ZNF606: variants seen among roughly 807,000 people sequenced by gnomAD.
ZNF606 encodes the protein zinc finger protein 328.
A neutral mutation model predicts 74.9 loss-of-function variants in ZNF606; 37 were observed. The ratio of observed to expected loss-of-function variants is 0.49; its 90% confidence interval spans 0.38 to 0.65. The LOEUF is 0.65. Among genes scored for constraint, ZNF606 ranks in the 30% least tolerant of loss-of-function variants. The probability of loss-of-function intolerance (pLI) is 0.00; values close to 1 mark genes in which losing one functional copy is unlikely to be tolerated. For synonymous variants in ZNF606, 328 were observed against 312.4 expected, an observed-to-expected ratio of 1.05 and a Z score of -0.53; for missense variants, 852 against 952.9, an observed-to-expected ratio of 0.89 and a Z score of 1.39.
chr19:57,994,923 C>A (rs903988005), intron 4 of ZNF606, among the ~76,000 whole-genome samples: 7 of 152,060 alleles, frequency 4.6e-5, no homozygotes, highest in Non-Finnish European at 7.3e-5. Context: ...GTGGCTCATG[C>A]CTGTAATCTC....
At chr19:57,993,890 C>T (rs963379500) in intron 4 of ZNF606, among the ~76,000 whole-genome samples, 5 of 152,170 alleles carry the variant, frequency 3.3e-5, no homozygotes, top group African/African-American at 4.8e-5. Flanking sequence ...AGGCACCAAT[C>T]ATGAATCAGA....
At chr19:57,988,111 G>C (rs976647926) in intron 6 of ZNF606, 96 bp downstream of exon 6, 15 of 876,298 alleles carry the variant, frequency 1.7e-5, no homozygotes, top group Non-Finnish European at 2.6e-5. Context: ...AATTCTAAAT[G>C]CATCTGAGGA....
intron 4 of ZNF606, among the ~76,000 whole-genome samples, chr19:57,989,557 C>T (rs2073219050): frequency 6.6e-6 from 1 of 151,998 alleles, no homozygotes. Context: ...AGTGATCCTC[C>T]TGCCTCAGCC....
intron 6 of ZNF606, among the ~76,000 whole-genome samples, chr19:57,983,823 A>G (rs2123280456): frequency 6.9e-6 from 1 of 144,552 alleles, no homozygotes; most frequent in African/African-American, 2.5e-5. Flanking sequence ...AGATAAGGAT[A>G]CCTGCTGAAT....
chr19:57,988,701 G>A lies in ZNF606; in HGVS notation c.198C>T (p.Asp66=), dbSNP rs568728486. 36 of 1,614,110 alleles carry A rather than the reference G, an allele frequency of 2.2e-5. No individual in the cohort carries two copies. The highest frequency in any genetic ancestry group is 1.6e-4 in the African/African-American group (12 of 75,012). The change falls in exon 5 of 7, where the codon GAC becomes GAT. Residue 66 remains aspartate (D), a synonymous_variant. Transcript: ENST00000551380. ...CTTCTTGGGTGAAGTCCACGGCCAC[G>A]TCCTTGAAGGTCACTGGTTCCTAAA... ...AQVQEPVTFK[D]VAVDFTQEEW...
chr19:57,980,534 T>G (rs11667871), intron 6 of ZNF606, among the ~76,000 whole-genome samples: 34,048 of 151,966 alleles, frequency 0.22, 3,915 homozygotes, highest in Non-Finnish European at 0.24. Flanking sequence ...GGAAGACCAG[T>G]ATAAGAATGT....
chr19:58,001,164 A>C (rs764816377), intron 2 of ZNF606, 125 bp downstream of exon 2: 9 of 1,170,482 alleles, frequency 7.7e-6, no homozygotes, highest in Non-Finnish European at 1.1e-5. Flanking sequence ...ATCAGTTCTA[A>C]TTTTGTACCA....
At chr19:57,983,597 G>GA (rs1368189097) in intron 6 of ZNF606, among the ~76,000 whole-genome samples, 1 of 151,150 alleles carries the variant, frequency 6.6e-6, no homozygotes, top group Non-Finnish European at 1.5e-5. Flanking sequence ...AAAAAGAAAA[G>GA]AAAAAGAAAT....
At chr19:57,998,459 C>T (rs1568584336) in intron 4 of ZNF606, 1 of 152,068 alleles carries the variant, frequency 6.6e-6, no homozygotes, top group Non-Finnish European at 1.5e-5. Context: ...AAAAGCCAGA[C>T]AAAAAAGGCT....
chr19:57,979,732 G>C lies in ZNF606; in HGVS notation c.948C>G (p.Leu316=). 5 of 1,613,266 alleles carry C rather than the reference G, an allele frequency of 3.1e-6. No individual in the cohort carries two copies. Among genetic ancestry groups the C allele is most frequent in the Non-Finnish European group, 3.4e-6 (4 of 1,179,842 alleles). Residue 316 remains leucine (L), a synonymous_variant, in exon 7 of 7, where the codon CTC becomes CTG. Coordinates refer to ENST00000551380, the MANE Select transcript of ZNF606 (RefSeq NM_001348022.3). The part of the protein sequence containing the change: ...DHKGIHTGEK[L]YEYKECHQIF... ...TTTGATGGCATTCCTTATATTCATA[G>C]AGTTTTTCTCCTGTGTGAATTCCTT...
At chr19:57,986,036 T>G (rs2073159228) in intron 6 of ZNF606, among the ~76,000 whole-genome samples, 1 of 152,066 alleles carries the variant, frequency 6.6e-6, no homozygotes, top group Non-Finnish European at 1.5e-5. Context: ...GATTAACAGC[T>G]TGTTTCTCAG....
chr19:57,985,626 T>A (rs1418953013), intron 6 of ZNF606, among the ~76,000 whole-genome samples: 1 of 152,030 alleles, frequency 6.6e-6, no homozygotes, highest in African/African-American at 2.4e-5. Flanking sequence ...GCTACATGCA[T>A]ACCCATAATA....
rs934817188 is a variant in ZNF606 at position 58,002,537 on chromosome 19, G to A, written c.-193C>T. The A allele has an allele frequency of 1.9e-5, 8 of 426,310 alleles. No homozygotes were observed. Among genetic ancestry groups the A allele is most frequent in the Admixed American group, 1.6e-4 (6 of 37,460 alleles). The allele number at this position is 426,310 out of a possible 1,614,324, so 26.4% of individuals were successfully genotyped here. A position where few individuals can be genotyped will look rare whatever the true frequency, so the allele number is the denominator to read the frequency against. ...CTCCCGGCGCGGCCTCGGGGACAAA[G>A]GCCCGCGGAGCCGACGTGCAGCAGA... On this transcript the variant is annotated 5_prime_UTR_variant, in exon 1 of 7. Transcript: ENST00000551380.
chr19:57,978,366 C>G lies in ZNF606; in HGVS notation c.2314G>C (p.Ala772Pro). 3 of 1,608,572 alleles carry G rather than the reference C, an allele frequency of 1.9e-6. No homozygotes were observed. The highest frequency in any genetic ancestry group is 2.6e-6 in the Non-Finnish European group (3 of 1,175,468). The change falls in exon 7 of 7, where the codon GCC (alanine) becomes CCC (proline). Residue 772 changes from alanine to proline, a missense_variant. Transcript: ENST00000551380. The surrounding 1 kb of genome is among the most constrained non-coding windows in gnomAD (Gnocchi z 4.4). Reference sequence around the variant, plus strand: ...AGTAGGGCTGAGTGACCACTAAAGGCTTTTCCACATTCACTGCATATAAAG... The same window carrying G: ...AGTAGGGCTGAGTGACCACTAAAGGGTTTTCCACATTCACTGCATATAAAG... The part of the protein sequence containing the change: ...KRFICSECGK[A>P]FSGHSALLQH...
intron 6 of ZNF606, among the ~76,000 whole-genome samples, chr19:57,987,091 A>G (rs1199912114): frequency 6.6e-6 from 1 of 152,158 alleles, no homozygotes; most frequent in Non-Finnish European, 1.5e-5. Flanking sequence ...CCTTGTCTCA[A>G]AAGATGTTAA....
intron 2 of ZNF606, 105 bp from the exon 3 acceptor site, chr19:58,000,844 A>C (rs2073415348): frequency 1.8e-6 from 2 of 1,114,420 alleles, no homozygotes; most frequent in African/African-American, 1.6e-5. Flanking sequence ...AAAATTCCAT[A>C]AACAGAGCCC....
Position 57,978,200 on chromosome 19 carries a change from CT to C in ZNF606, c.*100del. ...TTCTAGTAAATAATGTGGGAGAAGT[CT>C]TACTGAACTCTTAATGAAAAATGTC... is the stretch of plus-strand genomic sequence containing the variant. On this transcript the variant is annotated 3_prime_UTR_variant, in exon 7 of 7. Coordinates refer to ENST00000551380, the MANE Select transcript of ZNF606 (RefSeq NM_001348022.3). This position sits in a 1 kb window ranked among gnomAD's most constrained non-coding sequence, Gnocchi z 4.4. 1 of 1,199,780 alleles carries C rather than the reference CT, an allele frequency of 8.3e-7. No individual in the cohort carries two copies. Among genetic ancestry groups the C allele is most frequent in the Non-Finnish European group, 1.1e-6 (1 of 875,226 alleles). The allele number at this position is 1,199,780 out of a possible 1,614,324, so 74.3% of individuals were successfully genotyped here.
At position 57,978,518 on chromosome 19, in the gene ZNF606, G is replaced by A; in HGVS notation, c.2162C>T (p.Ser721Leu). The change falls in exon 7 of 7, where the codon TCA (serine) becomes TTA (leucine). Residue 721 changes from serine (S) to leucine (L), a missense_variant. Transcript: ENST00000551380. This position sits in a 1 kb window ranked among gnomAD's most constrained non-coding sequence, Gnocchi z 4.4. ...GTTTCTTAGGTGTACAATAAGGGAT[G>A]AACTCTCATTAAATGCTTTCCCACA... ...NECGKAFNESSSLIVHLRNHT... is the reference protein window; with the variant it reads ...NECGKAFNESLSLIVHLRNHT... 6.2e-7 allele frequency: 1 copy of A among 1,614,080 alleles called. No individual in the cohort carries two copies. Among genetic ancestry groups the A allele is most frequent in the Admixed American group, 1.7e-5 (1 of 60,018 alleles).
intron 6 of ZNF606, among the ~76,000 whole-genome samples, chr19:57,985,671 G>GT (rs1187292283): frequency 3.3e-5 from 5 of 152,018 alleles, no homozygotes; most frequent in Non-Finnish European, 7.4e-5. Context: ...GCTCACGCCT[G>GT]TAATCCCAGC....
Sources: allele counts gnomAD v4.1 joint callset (sites outside exome capture counted in the v4.1 genomes callset), GRCh38; gene constraint gnomAD v4.1.1; non-coding constraint Gnocchi (gnomAD v3.1); transcripts MANE v1.5; gene names NCBI Gene and HGNC (gene_info 2026-07-23, HGNC 2026-07-21).